Variants in STIM1 observed in about 807,000 individuals in gnomAD.
STIM1 encodes the protein stromal interaction molecule 1.
Under a neutral mutation model 74.7 loss-of-function variants are expected in STIM1, and 25 were observed. That is an observed-to-expected ratio of 0.33 (90% confidence interval 0.24 to 0.47). STIM1 has a LOEUF of 0.47. Ranked by LOEUF, STIM1 falls within the 20% of genes least tolerant of loss-of-function variation. The pLI, the probability that STIM1 is intolerant of heterozygous loss-of-function variation, is 1.00. For synonymous variants in STIM1, 328 were observed against 348.8 expected, an observed-to-expected ratio of 0.94 and a Z score of 0.66; for missense variants, 728 against 920.8, an observed-to-expected ratio of 0.79 and a Z score of 2.71.
chr11:4,083,630 C>A, intron 10 of STIM1, 132 bp downstream of exon 10: 1 of 820,672 alleles, frequency 1.2e-6, no homozygotes, highest in Non-Finnish European at 2.0e-6. Flanking sequence ...TGACCTTGGT[C>A]AATAAAGCAC....
chr11:4,076,623 A>G (rs2094438889), intron 7 of STIM1, among the ~76,000 whole-genome samples: 1 of 148,954 alleles, frequency 6.7e-6, no homozygotes, highest in Admixed American at 6.7e-5. Context: ...TTTCACATTT[A>G]GGGATATTAT....
chr11:4,016,696 A>G (rs574776893), intron 2 of STIM1, among the ~76,000 whole-genome samples: 16 of 152,318 alleles, frequency 1.1e-4, no homozygotes, highest in African/African-American at 2.9e-4. Flanking sequence ...CTGAGGTGCA[A>G]TGGGCTCCGC....
At chr11:3,979,383 TC>T (rs1199791689) in intron 2 of STIM1, among the ~76,000 whole-genome samples, 1 of 152,204 alleles carries the variant, frequency 6.6e-6, no homozygotes, top group African/African-American at 2.4e-5. Flanking sequence ...TCCTTTAACT[TC>T]CTGTACCTAC....
intron 1 of STIM1, among the ~76,000 whole-genome samples, chr11:3,944,195 G>C (rs1590589259): frequency 6.6e-6 from 1 of 152,250 alleles, no homozygotes; most frequent in East Asian, 1.9e-4. Flanking sequence ...CTTCTATGCA[G>C]ACGTGAGATA....
At chr11:3,954,815 T>A (rs985888751) in intron 1 of STIM1, among the ~76,000 whole-genome samples, 1 of 152,236 alleles carries the variant, frequency 6.6e-6, no homozygotes. Flanking sequence ...TAAAGTGATA[T>A]GCCTACTTTA....
At chr11:4,069,291 A>G (rs1024607936) in intron 5 of STIM1, among the ~76,000 whole-genome samples, 4 of 152,128 alleles carry the variant, frequency 2.6e-5, no homozygotes, top group Non-Finnish European at 4.4e-5. Flanking sequence ...GCTCTGGACA[A>G]TGGGCATTCT....
chr11:4,072,969 A>G (rs1484486746), intron 6 of STIM1, among the ~76,000 whole-genome samples: 1 of 151,182 alleles, frequency 6.6e-6, no homozygotes, highest in Non-Finnish European at 1.5e-5. Flanking sequence ...CTTGCAGCCT[A>G]ACATTTCCTC....
Position 3,951,002 on chromosome 11 carries a change from G to A in STIM1, c.140-16550G>A, listed in dbSNP as rs146792726. The stretch of plus-strand genomic sequence containing the variant: ...TTTGAAAGAAACTAGAACAGAGACA[G>A]GGCGAATAGTGAGGAAACTGTTGTA... On this transcript the variant is annotated intron_variant, in intron 1 of 12. Coordinates refer to ENST00000526596, the MANE Select transcript of STIM1 (RefSeq NM_001382567.1). Among the ~76,000 whole-genome samples, 119 of 152,324 alleles carry A rather than the reference G, an allele frequency of 7.8e-4. No individual in the cohort carries two copies. The East Asian group carries it at 0.021, about 27-fold the overall frequency.
intron 1 of STIM1, among the ~76,000 whole-genome samples, chr11:3,946,865 G>A (rs1380656915): frequency 6.6e-6 from 1 of 152,198 alleles, no homozygotes; most frequent in Non-Finnish European, 1.5e-5. Context: ...CTGTGTGACT[G>A]TGTGACATTG....
intron 1 of STIM1, among the ~76,000 whole-genome samples, chr11:3,873,165 C>T (rs552885907): frequency 3.9e-5 from 6 of 152,060 alleles, no homozygotes; most frequent in African/African-American, 1.2e-4. Flanking sequence ...TCTGTAATCC[C>T]GGCACTTTGG....
At chr11:4,007,699 A>G (rs1176484654) in intron 2 of STIM1, among the ~76,000 whole-genome samples, 2 of 152,218 alleles carry the variant, frequency 1.3e-5, no homozygotes, top group African/African-American at 4.8e-5. Flanking sequence ...CTCAATTAAT[A>G]TCTGAATTGT....
intron 4 of STIM1, among the ~76,000 whole-genome samples, chr11:4,058,020 T>C (rs1221964928): frequency 6.6e-6 from 1 of 152,240 alleles, no homozygotes; most frequent in Non-Finnish European, 1.5e-5. Context: ...TTCTCATTTC[T>C]TTCATTGCTT....
chr11:4,036,320 T>G (rs2094102264), intron 3 of STIM1, among the ~76,000 whole-genome samples: 1 of 152,208 alleles, frequency 6.6e-6, no homozygotes, highest in African/African-American at 2.4e-5. Context: ...TGAACATACA[T>G]GTGCATTTAT....
intron 2 of STIM1, among the ~76,000 whole-genome samples, chr11:3,994,590 G>A (rs1237807614): frequency 6.6e-6 from 1 of 151,258 alleles, no homozygotes; most frequent in Non-Finnish European, 1.5e-5. Context: ...TCCCCAAGTA[G>A]CTGGGATCGC....
At chr11:4,057,236 A>G (rs2133093240) in intron 4 of STIM1, among the ~76,000 whole-genome samples, 1 of 152,328 alleles carries the variant, frequency 6.6e-6, no homozygotes, top group Non-Finnish European at 1.5e-5. Context: ...TGGGAAGGAT[A>G]TCTTTGGCTT....
intron 7 of STIM1, 129 bp from the exon 8 acceptor site, chr11:4,082,055 A>T: frequency 9.5e-7 from 1 of 1,054,138 alleles, no homozygotes; most frequent in Non-Finnish European, 1.4e-6. Context: ...TACGGAAAAT[A>T]ATCCTTACCT....
intron 1 of STIM1, among the ~76,000 whole-genome samples, chr11:3,874,270 A>G (rs1048167275): frequency 2.6e-5 from 4 of 152,134 alleles, no homozygotes; most frequent in African/African-American, 9.7e-5. Context: ...TTGCTCTGTG[A>G]GCTGGCAAGT....
intron 2 of STIM1, among the ~76,000 whole-genome samples, chr11:3,992,788 C>T (rs1045786245): frequency 2.6e-5 from 4 of 152,202 alleles, no homozygotes; most frequent in Non-Finnish European, 5.9e-5. Context: ...TTCTAAATAT[C>T]ATCTCATCCA....
intron 1 of STIM1, among the ~76,000 whole-genome samples, chr11:3,936,734 G>C (rs73427515): frequency 2.0e-5 from 3 of 152,308 alleles, no homozygotes; most frequent in East Asian, 1.9e-4. Context: ...GAGATGGAGA[G>C]TGGCCTTGAA....
Sources: gnomAD v4.1 joint callset for allele counts (sites outside exome capture counted in the v4.1 genomes callset) on GRCh38, gnomAD v4.1.1 for gene constraint, MANE v1.5 for transcripts, NCBI Gene and HGNC (gene_info 2026-07-23, HGNC 2026-07-21) for gene names.